MLANA: variants seen among roughly 807,000 people sequenced by gnomAD.
MLANA encodes melanoma antigen recognized by T-cells 1.
MLANA carries 21 observed loss-of-function variants against 15.7 expected under a neutral mutation model. The ratio of observed to expected loss-of-function variants is 1.33; its 90% CI spans 0.95 to 1.92. The LOEUF is 1.92. MLANA is among the 40% of genes most tolerant of loss of function. MLANA has a pLI of 0.00. For synonymous variants in MLANA, 56 were observed against 51.5 expected (o/e 1.09, Z -0.37); for missense variants, 164 against 143.8 (o/e 1.14, Z -0.72).
At chr9:5,891,624 T>C (rs1356901843) in intron 1 of MLANA, among the ~76,000 whole-genome samples, 1 of 152,152 alleles carries the variant, frequency 6.6e-6, no homozygotes, top group Non-Finnish European at 1.5e-5. Flanking sequence ...GAAAGGAGCT[T>C]CCATTATTGG....
At chr9:5,891,714 G>GA (rs1478993310) in intron 1 of MLANA, among the ~76,000 whole-genome samples, 3 of 151,020 alleles carry the variant, frequency 2.0e-5, no homozygotes, top group South Asian at 2.1e-4. Context: ...GTTATAGTTA[G>GA]AAAAAAAAAG....
At chr9:5,902,766 C>G (rs898781078) in intron 3 of MLANA, among the ~76,000 whole-genome samples, 1 of 152,048 alleles carries the variant, frequency 6.6e-6, no homozygotes, top group South Asian at 2.1e-4. Flanking sequence ...CTTGCCCTCC[C>G]AAAGTACTGG....
intron 3 of MLANA, among the ~76,000 whole-genome samples, chr9:5,900,974 G>C (rs939510946): frequency 5.3e-5 from 8 of 151,974 alleles, no homozygotes; most frequent in Non-Finnish European, 1.2e-4. Flanking sequence ...GAATACTTTG[G>C]GGTTCTTGCT....
chr9:5,908,262 T>C (rs1832943184), intron 4 of MLANA, among the ~76,000 whole-genome samples: 1 of 152,242 alleles, frequency 6.6e-6, no homozygotes, highest in Non-Finnish European at 1.5e-5. Context: ...TTATATTTGG[T>C]AGTATCAATG....
chr9:5,892,553 T>G lies in MLANA; in HGVS notation c.77+2T>G. Reference sequence around the variant, plus strand: ...CCACTCTTACACCACGGCTGAAGAGTAAGTTCAAAACCAGACCCAGCAGGG... The same window carrying G: ...CCACTCTTACACCACGGCTGAAGAGGAAGTTCAAAACCAGACCCAGCAGGG... On this transcript the variant is annotated splice_donor_variant, in intron 2 of 4. Transcript: ENST00000381477. LOFTEE classifies it high-confidence loss of function. The G allele has an allele frequency of 6.2e-7, 1 of 1,611,610 alleles. No individual in the cohort carries two copies. The highest frequency in any genetic ancestry group is 1.3e-5 in the African/African-American group (1 of 74,806).
In MLANA at chr9:5,895,297, A is replaced by G. The variant is rs112658828; in HGVS notation, c.78-2260A>G. ...TAACTGCACATGGCCACCAATGTCA[A>G]AAGTCATTCCTCTCATGAAAAGTCC... On this transcript the variant is annotated intron_variant, in intron 2 of 4. Coordinates refer to ENST00000381477, the MANE Select transcript of MLANA (RefSeq NM_005511.2). Among the ~76,000 whole-genome samples, 262 of 152,288 alleles carry G rather than the reference A, an allele frequency of 1.7e-3. 2 individuals are homozygous for G. Among genetic ancestry groups the G allele is most frequent in the African/African-American group, 6.2e-3 (257 of 41,568 alleles).
At chr9:5,893,979 G>A (rs569476447) in intron 2 of MLANA, among the ~76,000 whole-genome samples, 2 of 149,858 alleles carry the variant, frequency 1.3e-5, no homozygotes, top group South Asian at 4.2e-4. Flanking sequence ...AAGGTTTAGA[G>A]AAATTAGGAA....
At chr9:5,903,203 T>C (rs1266999009) in intron 3 of MLANA, among the ~76,000 whole-genome samples, 1 of 152,234 alleles carries the variant, frequency 6.6e-6, no homozygotes, top group Non-Finnish European at 1.5e-5. Context: ...GTATAATTTC[T>C]ATTCTTTTAA....
intron 4 of MLANA, 142 bp from the exon 5 acceptor site, chr9:5,908,498 A>G: frequency 2.7e-6 from 2 of 728,840 alleles, no homozygotes; most frequent in Non-Finnish European, 4.6e-6. Context: ...CAATTACTTC[A>G]CTGGGCAGAA....
intron 3 of MLANA, among the ~76,000 whole-genome samples, chr9:5,898,442 C>T (rs899281944): frequency 3.3e-5 from 5 of 152,182 alleles, no homozygotes; most frequent in Non-Finnish European, 7.3e-5. Context: ...GCCCTTGTAA[C>T]TTAATCACCT....
rs1563807867 is a variant in MLANA at position 5,892,464 on chromosome 9, G to A, written c.-11G>A. 6.2e-7 allele frequency: 1 copy of A among 1,612,056 alleles called. No individual in the cohort carries two copies. The highest frequency in any genetic ancestry group is 2.2e-5 in the East Asian group (1 of 44,816). On this transcript the variant is annotated 5_prime_UTR_variant, in exon 2 of 5. Transcript: ENST00000381477. Reference sequence around the variant, plus strand: ...CCTTCTGTTAGGTGTCCTGTGCCCTGACCCTACAAGATGCCAAGAGAAGAT... The same window carrying A: ...CCTTCTGTTAGGTGTCCTGTGCCCTAACCCTACAAGATGCCAAGAGAAGAT...
At chr9:5,892,652 GT>G (rs1831730508) in intron 2 of MLANA, 101 bp downstream of exon 2, 1 of 897,928 alleles carries the variant, frequency 1.1e-6, no homozygotes, top group Non-Finnish European at 1.7e-6. Context: ...TCTCCCTAGT[GT>G]TTATCTCCCC....
At chr9:5,892,148 G>A (rs1203602979) in intron 1 of MLANA, among the ~76,000 whole-genome samples, 5 of 152,220 alleles carry the variant, frequency 3.3e-5, no homozygotes, top group Admixed American at 1.3e-4. Context: ...TCAAATTGAA[G>A]GCAAATGAGG....
At chr9:5,905,859 T>C (rs1832769577) in intron 3 of MLANA, among the ~76,000 whole-genome samples, 1 of 152,234 alleles carries the variant, frequency 6.6e-6, no homozygotes, top group Non-Finnish European at 1.5e-5. Flanking sequence ...CTTGAGACTA[T>C]TCTCCCGGCC....
rs571776689 is a variant in MLANA, at chr9:5,898,507, C to T, written c.174+854C>T. 7.9e-5 allele frequency among the ~76,000 whole-genome samples: 12 copies of T among 152,262 alleles called. No individual in the cohort carries two copies. The South Asian group carries it at 2.1e-3, about 26-fold the overall frequency. ...CATTGGGGATTAAGTTTCCAATACACGAATTTTGGGGGACACATTCAAACT... is the reference window on the plus strand; with the variant it reads ...CATTGGGGATTAAGTTTCCAATACATGAATTTTGGGGGACACATTCAAACT... On this transcript the variant is annotated intron_variant, in intron 3 of 4. Coordinates refer to ENST00000381477, the MANE Select transcript of MLANA (RefSeq NM_005511.2).
intron 3 of MLANA, among the ~76,000 whole-genome samples, chr9:5,903,773 T>C (rs552362537): frequency 1.3e-5 from 2 of 152,240 alleles, no homozygotes; most frequent in Non-Finnish European, 2.9e-5. Context: ...CCCTGATAAC[T>C]TTCCTTGAAA....
intron 3 of MLANA, among the ~76,000 whole-genome samples, chr9:5,902,666 TTC>T (rs1177135341): frequency 2.7e-5 from 4 of 150,238 alleles, no homozygotes; most frequent in Non-Finnish European, 4.4e-5. Flanking sequence ...CTGATTAATT[TTC>T]TTTTTTTTTT....
In MLANA at chr9:5,897,559, C is replaced by T. The variant is rs1178157483; in HGVS notation, c.80C>T (p.Ala27Val). ...HGHSYTTAEE[A>V]AGIGILTVIL... ...GATTTGTCTATCTCTTGGGCCAGGG[C>T]CGCTGGGATCGGCATCCTGACAGTG... The change falls in exon 3 of 5, where the codon GCC becomes GTC. Residue 27 changes from alanine to valine, a missense_variant and splice_region_variant. Coordinates refer to ENST00000381477, the MANE Select transcript of MLANA (RefSeq NM_005511.2). The T allele has an allele frequency of 2.5e-6, 4 of 1,613,882 alleles. No individual in the cohort carries two copies. The African/African-American group carries it at 4.0e-5, about 16-fold the overall frequency.
In MLANA at chr9:5,908,730, C is replaced by A. The variant is rs1455031776; in HGVS notation, c.*22C>A. The stretch of plus-strand genomic sequence containing the variant: ...TTAAGAGCCAGCGAGACACCTGAGA[C>A]ATGCTGAAATTATTTCTCTCACACT... On this transcript the variant is annotated 3_prime_UTR_variant, in exon 5 of 5. Coordinates refer to ENST00000381477, the MANE Select transcript of MLANA (RefSeq NM_005511.2). 6.9e-6 allele frequency: 11 copies of A among 1,598,582 alleles called. No individual in the cohort carries two copies. Among genetic ancestry groups the A allele is most frequent in the Non-Finnish European group, 9.4e-6 (11 of 1,166,186 alleles).
Sources: allele counts gnomAD v4.1 joint callset (sites outside exome capture counted in the v4.1 genomes callset), GRCh38; gene constraint gnomAD v4.1.1; transcripts MANE v1.5; gene names NCBI Gene and HGNC (gene_info 2026-07-23, HGNC 2026-07-21).